FRMPD4: variants seen among roughly 807,000 people sequenced by gnomAD.
The protein encoded by FRMPD4 is FERM and PDZ domain containing 4.
A neutral mutation model predicts 94.1 loss-of-function variants in FRMPD4; 22 were observed. That is an observed-to-expected ratio of 0.23 (90% CI 0.17 to 0.33). The LOEUF is 0.33. Ranked by LOEUF, FRMPD4 falls within the 10% of genes least tolerant of loss-of-function variation. The pLI is 1.00. For synonymous variants in FRMPD4, 631 were observed against 548.6 expected (o/e 1.15, Z -2.10); for missense variants, 1,111 against 1,339.9 (o/e 0.83, Z 2.67).
chrX:12,297,979 A>G (rs2054798927), intron 1 of FRMPD4, among the ~76,000 whole-genome samples: 1 of 111,203 alleles, frequency 9.0e-6, no homozygotes, highest in East Asian at 2.8e-4. Flanking sequence ...TGAAAGGAAA[A>G]TGATGCAGCT....
At chrX:11,978,246 C>T (rs1038276167) in intron 3 of FRMPD4, among the ~76,000 whole-genome samples, 3 of 93,168 alleles carry the variant, frequency 3.2e-5, no homozygotes, top group Non-Finnish European at 6.2e-5. Context: ...GGTGTGAACC[C>T]GGGAGGCGGA....
intron 4 of FRMPD4, among the ~76,000 whole-genome samples, chrX:12,659,969 G>T (rs1255815227): frequency 9.0e-6 from 1 of 111,601 alleles, no homozygotes; most frequent in East Asian, 2.8e-4. Context: ...TTATTGCAAA[G>T]GTTTACAAAA....
intron 3 of FRMPD4, among the ~76,000 whole-genome samples, chrX:12,084,081 C>T (rs1248042517): frequency 1.9e-5 from 2 of 104,866 alleles, no homozygotes. Context: ...TTGGAGGGGC[C>T]AGGGGGCAGA....
At chrX:12,345,518 T>A (rs895941553) in intron 1 of FRMPD4, among the ~76,000 whole-genome samples, 1 of 111,965 alleles carries the variant, frequency 8.9e-6, no homozygotes, top group African/African-American at 3.2e-5. Flanking sequence ...TGGATAGAAC[T>A]GTCAACCAGG....
chrX:12,079,777 C>A (rs192284325), intron 3 of FRMPD4, among the ~76,000 whole-genome samples: 1 of 112,338 alleles, frequency 8.9e-6, no homozygotes, highest in East Asian at 2.8e-4. Context: ...TTAGACCTAC[C>A]TATTTAAGTC....
chrX:11,840,896 C>A (rs866016415), intron 1 of FRMPD4, among the ~76,000 whole-genome samples: 10 of 75,645 alleles, frequency 1.3e-4, no homozygotes, highest in Admixed American at 1.6e-4. Context: ...CCGCCCCCCT[C>A]CCCCCACCCT....
intron 3 of FRMPD4, among the ~76,000 whole-genome samples, chrX:12,129,360 A>G (rs1338054360): frequency 3.6e-5 from 4 of 110,470 alleles, no homozygotes; most frequent in Non-Finnish European, 7.6e-5. Context: ...AAGGGGAAAA[A>G]CCCCTTATAA....
intron 3 of FRMPD4, among the ~76,000 whole-genome samples, chrX:11,955,401 A>T (rs992084920): frequency 9.0e-6 from 1 of 110,608 alleles, no homozygotes; most frequent in African/African-American, 3.3e-5. Flanking sequence ...CTGAGATGGG[A>T]GGATCATTTG....
intron 3 of FRMPD4, among the ~76,000 whole-genome samples, chrX:11,991,120 C>A (rs1010318033): frequency 9.0e-6 from 1 of 111,548 alleles, no homozygotes; most frequent in Non-Finnish European, 1.9e-5. Flanking sequence ...TGCAAAGATG[C>A]AGTCTTATAT....
At chrX:12,351,055 T>TCC (rs757015057) in intron 1 of FRMPD4, among the ~76,000 whole-genome samples, 3 of 109,777 alleles carry the variant, frequency 2.7e-5, no homozygotes, top group East Asian at 5.7e-4. Context: ...GTGCCTGTAA[T>TCC]CAGCTACTCG....
chrX:12,412,334 C>T (rs1024182496), intron 1 of FRMPD4, among the ~76,000 whole-genome samples: 9 of 112,186 alleles, frequency 8.0e-5, no homozygotes, highest in South Asian at 7.5e-4. Context: ...ATGGATTTGA[C>T]GTCATCTTGC....
chrX:12,306,527 C>A lies in FRMPD4; in HGVS notation c.41+167515C>A, dbSNP rs1351080717. Among the ~76,000 whole-genome samples, 17 of 112,144 alleles carry A rather than the reference C, an allele frequency of 1.5e-4. No individual in the cohort carries two copies. In the Admixed American group the frequency reaches 1.6e-3, roughly 11 times the overall value. ...TCACAAAATTCAATGTCTTTTAAAG[C>A]ACTGTTTTATTAAAATTAACCAAAA... On this transcript the variant is annotated intron_variant, in intron 1 of 16. Transcript: ENST00000675598.
chrX:12,464,711 A>C (rs778074709), intron 1 of FRMPD4, among the ~76,000 whole-genome samples: 4 of 111,481 alleles, frequency 3.6e-5, no homozygotes, highest in African/African-American at 6.5e-5. Context: ...TTGAAGAACA[A>C]TTTTCCATTT....
rs181571490 is a variant in FRMPD4 at position 12,227,758 on chromosome X, A to G, written c.41+88746A>G. 4.7e-4 allele frequency among the ~76,000 whole-genome samples: 52 copies of G among 110,173 alleles called. No homozygotes were observed. In the East Asian group the frequency reaches 5.7e-3, roughly 12 times the overall value. ...CGAGGCTGCAGTGAGCTATGATTACACTACTGCACTCCAGCCTGGATGACA... is the reference window on the plus strand; with the variant it reads ...CGAGGCTGCAGTGAGCTATGATTACGCTACTGCACTCCAGCCTGGATGACA... On this transcript the variant is annotated intron_variant, in intron 1 of 16. Transcript: ENST00000675598.
At chrX:11,982,988 T>A (rs2054405072) in intron 3 of FRMPD4, among the ~76,000 whole-genome samples, 1 of 111,902 alleles carries the variant, frequency 8.9e-6, no homozygotes. Flanking sequence ...TTATTTGCTG[T>A]CATTCTTTTA....
intron 3 of FRMPD4, among the ~76,000 whole-genome samples, chrX:11,996,472 G>C (rs1432516077): frequency 8.9e-6 from 1 of 112,260 alleles, no homozygotes; most frequent in Admixed American, 9.4e-5. Flanking sequence ...TTTAGGAAAT[G>C]CATCTATTGT....
intron 1 of FRMPD4, among the ~76,000 whole-genome samples, chrX:11,835,584 G>A (rs1035673629): frequency 8.9e-6 from 1 of 112,241 alleles, no homozygotes; most frequent in Non-Finnish European, 1.9e-5. Context: ...TGAGTAAGAA[G>A]CCAGTTTGGC....
At position 12,116,215 on chromosome X, in the gene FRMPD4, C is replaced by A. The variant is rs374460919; in HGVS notation, c.95+238197C>A. On this transcript the variant is annotated intron_variant, in intron 3 of 18. Coordinates refer to the FRMPD4 transcript ENST00000640291. ...CAACCCCCAGTCTCACTATTCCCAG[C>A]TCTATCACACTTTATACCACATCCC... Among the ~76,000 whole-genome samples, 8 of 112,465 alleles carry A rather than the reference C, an allele frequency of 7.1e-5. No homozygotes were observed. The South Asian group carries it at 3.0e-3, about 42-fold the overall frequency.
At chrX:12,110,951 C>T (rs1039419592) in intron 3 of FRMPD4, among the ~76,000 whole-genome samples, 1 of 111,763 alleles carries the variant, frequency 8.9e-6, no homozygotes, top group Non-Finnish European at 1.9e-5. Context: ...ACATTCCATG[C>T]TCATGGATAG....
Sources: allele counts gnomAD v4.1 joint callset (sites outside exome capture counted in the v4.1 genomes callset), GRCh38; gene constraint gnomAD v4.1.1; transcripts MANE v1.5; gene names NCBI Gene and HGNC (gene_info 2026-07-23, HGNC 2026-07-21).